The following RAB18 variants were observed in gnomAD, a reference collection of about 807,000 sequenced individuals.
RAB18 encodes the protein RAB18, member RAS oncogene family.
A neutral mutation model predicts 28.5 loss-of-function variants in RAB18; 10 were observed. The ratio of observed to expected loss-of-function variants is 0.35; its 90% CI spans 0.22 to 0.60. The LOEUF is 0.60. RAB18 is among the 20% of genes least tolerant of loss of function. The probability of loss-of-function intolerance (pLI) is 0.78; values close to 1 mark genes in which losing one functional copy is unlikely to be tolerated. For missense variants in RAB18, 188 were observed against 244.2 expected (o/e 0.77, Z 1.53); for synonymous variants, 93 against 86.9 (o/e 1.07, Z -0.39).
chr10:27,506,712 AC>A (rs1266491259), intron 1 of RAB18, among the ~76,000 whole-genome samples: 3 of 151,854 alleles, frequency 2.0e-5, no homozygotes, highest in African/African-American at 7.3e-5. Context: ...CCTGCCTCAT[AC>A]TCCTAAAGTG....
intron 3 of RAB18, chr10:27,528,211 C>T (rs935109803): frequency 2.6e-5 from 11 of 421,018 alleles, no homozygotes; most frequent in Admixed American, 2.3e-4. Context: ...CTCATAGTTT[C>T]GTTTTGTTTT....
chr10:27,515,540 G>C (rs557794395), intron 2 of RAB18, among the ~76,000 whole-genome samples: 1 of 152,154 alleles, frequency 6.6e-6, no homozygotes, highest in Non-Finnish European at 1.5e-5. Context: ...GGTTGTTATG[G>C]GTTGATGTTA....
At chr10:27,535,937 AC>A (rs1564838162) in intron 6 of RAB18, among the ~76,000 whole-genome samples, 2 of 151,794 alleles carry the variant, frequency 1.3e-5, no homozygotes, top group Admixed American at 1.3e-4. Context: ...CAAAAAATTC[AC>A]CGGGCGTGGT....
In RAB18 at chr10:27,541,532, A is replaced by C; in HGVS notation, c.*3481A>C. The C allele has an allele frequency of 2.2e-6, 1 of 453,870 alleles. No individual in the cohort carries two copies. Among genetic ancestry groups the C allele is most frequent in the South Asian group, 1.6e-5 (1 of 64,454 alleles). 28.1% of individuals were successfully genotyped at this position (453,870 alleles called of 1,614,324 possible). The stretch of plus-strand genomic sequence containing the variant: ...CCCCTTAGTTAAAGCTGTTCAATGA[A>C]TGTAAGCACACACACACCTACACAC... On this transcript the variant is annotated 3_prime_UTR_variant, in exon 7 of 7. Transcript: ENST00000356940.
chr10:27,509,934 A>G lies in RAB18; in HGVS notation c.124+4A>G. On this transcript the variant is annotated splice_donor_region_variant and intron_variant, in intron 2 of 6. Transcript: ENST00000356940. The stretch of plus-strand genomic sequence containing the variant: ...CCAGAACTTGCAGCAACAATAGGTA[A>G]GCCTGTGTTTAAAAATTCTATAGAA... 2.5e-6 allele frequency: 4 copies of G among 1,607,432 alleles called. No individual in the cohort carries two copies. In the African/African-American group the frequency reaches 5.3e-5, roughly 21 times the overall value.
chr10:27,541,273 C>T lies in RAB18; in HGVS notation c.*3222C>T, dbSNP rs751337334. 42 of 453,448 alleles carry T rather than the reference C, an allele frequency of 9.3e-5. No homozygotes were observed. The highest frequency in any genetic ancestry group is 1.4e-4 in the Admixed American group (6 of 42,500). The allele number at this position is 453,448 out of a possible 1,614,324, so 28.1% of individuals were successfully genotyped here. ...GGGTTTTGCCTAAACTGTTGAAAGA[C>T]GAGAATAAATAGACATAGACAGGCT... is the stretch of plus-strand genomic sequence containing the variant. On this transcript the variant is annotated 3_prime_UTR_variant, in exon 7 of 7. Coordinates refer to ENST00000356940, the MANE Select transcript of RAB18 (RefSeq NM_021252.5).
In RAB18 at chr10:27,520,916, CAAAAAAAAAAAAAAA is replaced by C. The variant is rs58688075; in HGVS notation, c.125-5901_125-5887del. On this transcript the variant is annotated intron_variant, in intron 2 of 6. Transcript: ENST00000356940. ...TGGGTGACAGAGCAAGACTCCATCT[CAAAAAAAAAAAAAAA>C]AAAAAAAAAAGAAAATTTTTTTTTC... Among the ~76,000 whole-genome samples, 4 of 40,096 alleles carry C rather than the reference CAAAAAAAAAAAAAAA, an allele frequency of 1.0e-4. No homozygotes were observed. The South Asian group carries it at 3.2e-3, about 32-fold the overall frequency. 26.3% of individuals were successfully genotyped at this position (40,096 alleles called of 152,430 possible). A position where few individuals can be genotyped will look rare whatever the true frequency, so the allele number is the denominator to read the frequency against.
chr10:27,505,001 T>C (rs1484706820), intron 1 of RAB18: 1 of 533,580 alleles, frequency 1.9e-6, no homozygotes, highest in Non-Finnish European at 3.8e-6. Flanking sequence ...GAACTGGATC[T>C]TGTGACTGCT....
chr10:27,519,070 A>G (rs1029764555), intron 2 of RAB18, among the ~76,000 whole-genome samples: 12 of 152,106 alleles, frequency 7.9e-5, no homozygotes, highest in Non-Finnish European at 1.8e-4. Flanking sequence ...GTTGATATGA[A>G]ACATATGAAG....
chr10:27,510,025 C>G, intron 2 of RAB18, 95 bp downstream of exon 2: 1 of 903,902 alleles, frequency 1.1e-6, no homozygotes, highest in Non-Finnish European at 1.8e-6. Flanking sequence ...CTCACCACCC[C>G]ACTGCCTCCA....
Position 27,534,999 on chromosome 10 carries a change from C to T in RAB18, c.445+1005C>T, listed in dbSNP as rs576604158. ...TGACAAACTTTCTGCCCACATGGAG[C>T]TTACATTCTAGTAAGGGAGACAGAC... On this transcript the variant is annotated intron_variant, in intron 6 of 6. Transcript: ENST00000356940. Among the ~76,000 whole-genome samples, 5 of 152,266 alleles carry T rather than the reference C, an allele frequency of 3.3e-5. No homozygotes were observed. The East Asian group carries it at 9.6e-4, about 29-fold the overall frequency.
At chr10:27,525,826 A>G (rs1834660913) in intron 2 of RAB18, among the ~76,000 whole-genome samples, 1 of 152,236 alleles carries the variant, frequency 6.6e-6, no homozygotes, top group Non-Finnish European at 1.5e-5. Flanking sequence ...TTACAAATAT[A>G]TTTCCATATT....
At chr10:27,532,392 T>C (rs1834805677) in intron 3 of RAB18, 115 bp from the exon 4 acceptor site, 1 of 698,214 alleles carries the variant, frequency 1.4e-6, no homozygotes, top group Non-Finnish European at 2.4e-6. Context: ...AGTTTTTTAA[T>C]GAGCTCATGC....
At chr10:27,514,965 CTG>C (rs1038215878) in intron 2 of RAB18, among the ~76,000 whole-genome samples, 2 of 152,066 alleles carry the variant, frequency 1.3e-5, no homozygotes, top group Admixed American at 6.6e-5. Context: ...TCTCACCAAA[CTG>C]TTGCCCAGGC....
At chr10:27,526,929 T>C in intron 3 of RAB18, 40 bp downstream of exon 3, 3 of 1,579,270 alleles carry the variant, frequency 1.9e-6, no homozygotes, top group Non-Finnish European at 2.6e-6. Flanking sequence ...TATTAAACTT[T>C]ACTTTTTAAG....
In RAB18 at chr10:27,532,586, GTTTAC is replaced by G. The variant is rs941463092; in HGVS notation, c.259+12_259+16del. The stretch of plus-strand genomic sequence containing the variant: ...GCACAGGGTGTTATATTAGGTAAGT[GTTTAC>G]TTTAATGTACTATTTAAAAATATTT... On this transcript the variant is annotated splice_region_variant and intron_variant, in intron 4 of 6. Coordinates refer to ENST00000356940, the MANE Select transcript of RAB18 (RefSeq NM_021252.5). The G allele has an allele frequency of 2.0e-5, 31 of 1,573,214 alleles. No homozygotes were observed. The highest frequency in any genetic ancestry group is 6.7e-5 in the Admixed American group (4 of 59,864).
In RAB18 at chr10:27,539,841, T is replaced by C. The variant is rs1406085345; in HGVS notation, c.*1790T>C. The C allele has an allele frequency of 2.2e-6, 1 of 453,982 alleles. No individual in the cohort carries two copies. Among genetic ancestry groups the C allele is most frequent in the Admixed American group, 2.3e-5 (1 of 42,574 alleles). The allele number at this position is 453,982 out of a possible 1,614,324, so 28.1% of individuals were successfully genotyped here. A position where few individuals can be genotyped will look rare whatever the true frequency, so the allele number is the denominator to read the frequency against. The stretch of plus-strand genomic sequence containing the variant: ...CCTGCTTTCCCTAGATGCATTTGTG[T>C]AGGAAGTATATACATTTCCCTATTA... On this transcript the variant is annotated 3_prime_UTR_variant, in exon 7 of 7. Coordinates refer to ENST00000356940, the MANE Select transcript of RAB18 (RefSeq NM_021252.5).
chr10:27,513,738 G>A (rs1016650014), intron 2 of RAB18, among the ~76,000 whole-genome samples: 1 of 152,160 alleles, frequency 6.6e-6, no homozygotes, highest in Non-Finnish European at 1.5e-5. Flanking sequence ...GGATGCCGTG[G>A]CTGTGGAGCT....
Position 27,538,489 on chromosome 10 carries a change from G to A in RAB18, c.*438G>A, listed in dbSNP as rs1252989717. ...TCAAACGTGGCAAATTTTCTTTCAG[G>A]AATAATAAAGAGCATGATTCCACAG... On this transcript the variant is annotated 3_prime_UTR_variant, in exon 7 of 7. Coordinates refer to ENST00000356940, the MANE Select transcript of RAB18 (RefSeq NM_021252.5). The A allele has an allele frequency of 1.1e-5, 5 of 454,526 alleles. No individual in the cohort carries two copies. In the East Asian group the frequency reaches 3.5e-4, roughly 32 times the overall value. 28.2% of individuals were successfully genotyped at this position (454,526 alleles called of 1,614,324 possible).
Sources: gnomAD v4.1 joint callset for allele counts (sites outside exome capture counted in the v4.1 genomes callset) on GRCh38, gnomAD v4.1.1 for gene constraint, MANE v1.5 for transcripts, NCBI Gene and HGNC (gene_info 2026-07-23, HGNC 2026-07-21) for gene names.